Variants in TDRD12 observed in about 807,000 individuals in gnomAD.
TDRD12 encodes the protein putative ATP-dependent RNA helicase TDRD12.
In TDRD12, 158 loss-of-function variants were observed where a neutral mutation model predicts 133.5. The observed-to-expected ratio is 1.18, with a 90% CI of 1.04 to 1.35. The LOEUF is 1.35. TDRD12 is among the 40% of genes most tolerant of loss of function. TDRD12 has a pLI of 0.00. For missense variants in TDRD12, 1,443 were observed against 1,321.3 expected (o/e 1.09, Z -1.43); for synonymous variants, 460 against 477.9 (o/e 0.96, Z 0.49).
intron 7 of TDRD12, 120 bp from the exon 8 acceptor site, chr19:32,756,918 A>C: frequency 1.3e-6 from 1 of 754,110 alleles, no homozygotes; most frequent in Non-Finnish European, 2.3e-6. Context: ...TGTGTCCCCT[A>C]GTCAGGTTTC....
downstream of TDRD12, among the ~76,000 whole-genome samples, chr19:32,825,520 T>G (rs955302769): frequency 3.3e-5 from 5 of 152,214 alleles, no homozygotes; most frequent in Non-Finnish European, 4.4e-5. The surrounding 1 kb of genome is among the most constrained non-coding windows in gnomAD (Gnocchi z 4.1). Context: ...GAGGTTCTTT[T>G]TCAAATGAGT....
chr19:32,779,324 C>T (rs1970696506), intron 11 of TDRD12, among the ~76,000 whole-genome samples: 1 of 152,114 alleles, frequency 6.6e-6, no homozygotes, highest in African/African-American at 2.4e-5. Flanking sequence ...CTTTTTGTCT[C>T]GCTGATGGAG....
chr19:32,722,125 G>A (rs138078955), intron 1 of TDRD12, among the ~76,000 whole-genome samples: 67 of 152,224 alleles, frequency 4.4e-4, no homozygotes, highest in African/African-American at 1.6e-3. Context: ...CAGAGAATTT[G>A]CCCTCAGACT....
At chr19:32,761,899 T>G (rs1174520303) in intron 8 of TDRD12, among the ~76,000 whole-genome samples, 1 of 152,104 alleles carries the variant, frequency 6.6e-6, no homozygotes, top group African/African-American at 2.4e-5. Flanking sequence ...TTGGCCAGGC[T>G]GGTCTTGAAC....
At chr19:32,818,558 G>A (rs755763743) in intron 27 of TDRD12, among the ~76,000 whole-genome samples, 13 of 152,212 alleles carry the variant, frequency 8.5e-5, no homozygotes, top group African/African-American at 1.7e-4. Flanking sequence ...GTGGCTTTGT[G>A]GAGGTTGAGA....
chr19:32,749,892 TATA>T, intron 6 of TDRD12, 23 bp downstream of exon 6: 1 of 1,447,828 alleles, frequency 6.9e-7, no homozygotes, highest in Non-Finnish European at 9.4e-7. Context: ...ATTGTATTTT[TATA>T]ATATTTCATC....
chr19:32,807,628 C>T, exon 22 of TDRD12: 1 of 1,535,234 alleles, frequency 6.5e-7, no homozygotes, highest in Non-Finnish European at 8.7e-7. Flanking sequence ...CCAAGCCCTA[C>T]CTTCATTTGG....
chr19:32,763,646 T>C (rs534252496), intron 8 of TDRD12, among the ~76,000 whole-genome samples: 1 of 152,316 alleles, frequency 6.6e-6, no homozygotes, highest in South Asian at 2.1e-4. Context: ...GATTTTCCTG[T>C]GGTATTCACT....
At chr19:32,799,800 TC>T (rs1161026638) in intron 16 of TDRD12, among the ~76,000 whole-genome samples, 4 of 147,728 alleles carry the variant, frequency 2.7e-5, no homozygotes, top group Non-Finnish European at 5.9e-5. Context: ...AATGGCTTGA[TC>T]TTGGCTCACT....
At chr19:32,798,094 C>T (rs1368934330) in intron 15 of TDRD12, among the ~76,000 whole-genome samples, 1 of 152,204 alleles carries the variant, frequency 6.6e-6, no homozygotes, top group Non-Finnish European at 1.5e-5. Flanking sequence ...ACGTCTGCTT[C>T]ACTGAGAAAA....
exon 20 of TDRD12, chr19:32,802,781 G>A (rs975466304): frequency 3.3e-6 from 5 of 1,536,686 alleles, no homozygotes; most frequent in East Asian, 4.9e-5. Flanking sequence ...TCATTTTCAC[G>A]CTGAACAGGT....
exon 21 of TDRD12, chr19:32,802,986 C>T (rs572487392): frequency 1.2e-5 from 19 of 1,536,078 alleles, no homozygotes; most frequent in Middle Eastern, 1.7e-4. Flanking sequence ...GAGAAAGATG[C>T]GAGCCATGCG....
At chr19:32,815,717 T>C (rs983511923) in intron 26 of TDRD12, 97 bp downstream of exon 26, 23 of 1,224,618 alleles carry the variant, frequency 1.9e-5, no homozygotes, top group Middle Eastern at 1.9e-4. Flanking sequence ...AAGAGTTGGC[T>C]GGGTGCGGTG....
intron 7 of TDRD12, among the ~76,000 whole-genome samples, chr19:32,756,481 A>G (rs1404402662): frequency 6.6e-6 from 1 of 151,790 alleles, no homozygotes; most frequent in Non-Finnish European, 1.5e-5. Flanking sequence ...TCCTCCCCCC[A>G]GGTTCACACC....
At chr19:32,778,482 CT>C (rs1209068127) in intron 11 of TDRD12, among the ~76,000 whole-genome samples, 5 of 151,896 alleles carry the variant, frequency 3.3e-5, no homozygotes, top group African/African-American at 1.2e-4. Context: ...CTGGAATATT[CT>C]TTTTTTCATT....
chr19:32,748,472 C>G lies in TDRD12; in HGVS notation c.441-4C>G. On this transcript the variant is annotated splice_polypyrimidine_tract_variant and splice_region_variant and intron_variant, in intron 4 of 27. Transcript: ENST00000444215. ...AATGGAGTTGCATCTGTTCACTGTT[C>G]CAGACCTGCCAAGAAGTGGGACAAT... The G allele has an allele frequency of 6.4e-7, 1 of 1,551,444 alleles. No homozygotes were observed. Among genetic ancestry groups the G allele is most frequent in the Non-Finnish European group, 8.7e-7 (1 of 1,146,778 alleles).
At chr19:32,775,998 G>T (rs186863686) in intron 10 of TDRD12, among the ~76,000 whole-genome samples, 1 of 152,156 alleles carries the variant, frequency 6.6e-6, no homozygotes, top group Admixed American at 6.5e-5. Flanking sequence ...TCTGCCTTGC[G>T]AACTGTGGGT....
intron 25 of TDRD12, among the ~76,000 whole-genome samples, chr19:32,814,158 T>C: frequency 6.6e-6 from 1 of 152,080 alleles, no homozygotes; most frequent in Admixed American, 6.5e-5. Flanking sequence ...TGCTGGGCAC[T>C]GGGGTTCCTT....
At chr19:32,764,103 CTTTTTTTTTTTTTTT>C (rs5827820) in intron 8 of TDRD12, among the ~76,000 whole-genome samples, 2 of 72,298 alleles carry the variant, frequency 2.8e-5, no homozygotes, top group African/African-American at 1.1e-4. Flanking sequence ...TATTGTCCAT[CTTTTTTTTTTTTTTT>C]TTTTTTTTTT....
Sources: allele counts gnomAD v4.1 joint callset (sites outside exome capture counted in the v4.1 genomes callset), GRCh38; gene constraint gnomAD v4.1.1; non-coding constraint Gnocchi (gnomAD v3.1); transcripts MANE v1.5; gene names NCBI Gene and HGNC (gene_info 2026-07-23, HGNC 2026-07-21).